LPO: variants seen among roughly 807,000 people sequenced by gnomAD.
LPO encodes the protein lactoperoxidase, also known as salivary peroxidase.
Under a neutral mutation model 68.4 loss-of-function variants are expected in LPO, and 70 were observed. The ratio of observed to expected loss-of-function variants is 1.02; its 90% CI spans 0.84 to 1.25. LPO has a LOEUF of 1.25. Ranked by LOEUF, LPO falls within the 50% of genes most tolerant of loss-of-function variation. The probability of loss-of-function intolerance (pLI) is 0.00; values close to 1 mark genes in which losing one functional copy is unlikely to be tolerated. For synonymous variants in LPO, 360 were observed against 357.6 expected, an observed-to-expected ratio of 1.01 and a Z score of -0.08; for missense variants, 873 against 908.4, an observed-to-expected ratio of 0.96 and a Z score of 0.50.
chr17:58,254,261 C>A (rs1381789303), intron 8 of LPO, among the ~76,000 whole-genome samples: 2 of 152,012 alleles, frequency 1.3e-5, no homozygotes, highest in Non-Finnish European at 2.9e-5. Flanking sequence ...GGTCTTTGGC[C>A]ATTTAACTGT....
chr17:58,252,529 A>C, intron 8 of LPO, 23 bp downstream of exon 8: 1 of 1,598,990 alleles, frequency 6.3e-7, no homozygotes, highest in Non-Finnish European at 8.5e-7. Flanking sequence ...TGGGAACAGA[A>C]GGGCCCAAGG....
intron 1 of LPO, chr17:58,242,739 T>C: frequency 2.2e-6 from 1 of 462,196 alleles, no homozygotes; most frequent in Admixed American, 3.8e-5. Flanking sequence ...CTCAGGGCCT[T>C]AGATCCTGAA....
chr17:58,263,436 C>T (rs1970207280), intron 9 of LPO, among the ~76,000 whole-genome samples: 1 of 152,110 alleles, frequency 6.6e-6, no homozygotes, highest in Non-Finnish European at 1.5e-5. Context: ...ACCCTTGATC[C>T]TATTTAAATT....
At position 58,266,312 on chromosome 17, in the gene LPO, A is replaced by C; in HGVS notation, c.1679A>C (p.Asp560Ala). The C allele has an allele frequency of 6.2e-7, 1 of 1,614,024 alleles. No individual in the cohort carries two copies. ...GCCATCAACACACAGCGTTGCCGGG[A>C]CCATGGGCAACCTGGTGAGTGTCTG... is the stretch of plus-strand genomic sequence containing the variant. ...LAAINTQRCR[D>A]HGQPGYNSWR... Residue 560 changes from aspartate to alanine, a missense_variant, in exon 11 of 13, where the codon GAC (aspartate) becomes GCC (alanine). Asp to Ala is a moderately radical substitution (Grantham distance 126, BLOSUM62 -2). Transcript: ENST00000262290.
intron 6 of LPO, 143 bp from the exon 7 acceptor site, chr17:58,250,272 G>T: frequency 1.4e-6 from 1 of 692,928 alleles, no homozygotes. Context: ...TACAGAATAG[G>T]CTAATGCCAC....
intron 9 of LPO, among the ~76,000 whole-genome samples, chr17:58,255,276 C>T (rs1347154875): frequency 6.6e-6 from 1 of 152,212 alleles, no homozygotes; most frequent in Non-Finnish European, 1.5e-5. Flanking sequence ...ACTCCCGGGA[C>T]TGCTACATCG....
rs137911811 is a variant in LPO, at chr17:58,250,493, A to G, written c.652A>G (p.Met218Val). 5.0e-6 allele frequency: 8 copies of G among 1,614,064 alleles called. No individual in the cohort carries two copies. In the African/African-American group the frequency reaches 1.1e-4, roughly 22 times the overall value. Residue 218 changes from methionine (M) to valine (V), a missense_variant, in exon 7 of 13, where the codon ATG becomes GTG. Physicochemically the swap from Met to Val is conservative, Grantham distance 21. Coordinates refer to ENST00000262290, the MANE Select transcript of LPO (RefSeq NM_006151.3). ...VLDQNRSLLF[M>V]QWGQIVDHDL... Reference sequence around the variant, plus strand: ...GGACCAAAACAGGTCCCTGCTCTTCATGCAGTGGGGTCAGATTGTGGATCA... The same window carrying G: ...GGACCAAAACAGGTCCCTGCTCTTCGTGCAGTGGGGTCAGATTGTGGATCA...
chr17:58,249,579 C>A lies in LPO; in HGVS notation c.457C>A (p.Leu153Met), dbSNP rs929981757. The A allele has an allele frequency of 3.7e-6, 6 of 1,604,134 alleles. No homozygotes were observed. Among genetic ancestry groups the A allele is most frequent in the Non-Finnish European group, 5.1e-6 (6 of 1,179,294 alleles). Residue 153 changes from leucine to methionine, a missense_variant, in exon 6 of 13, where the codon CTG becomes ATG. Coordinates refer to ENST00000262290, the MANE Select transcript of LPO (RefSeq NM_006151.3). The part of the protein sequence containing the change: ...GDCNNRRKPA[L>M]GAANRALARW... ...TGCTGGTTTCAGGAGGAAGCCTGCGCTGGGCGCCGCCAACAGGGCTCTGGC... is the reference window on the plus strand; with the variant it reads ...TGCTGGTTTCAGGAGGAAGCCTGCGATGGGCGCCGCCAACAGGGCTCTGGC...
intron 8 of LPO, among the ~76,000 whole-genome samples, chr17:58,252,955 G>A (rs1453561204): frequency 4.7e-5 from 7 of 148,518 alleles, no homozygotes; most frequent in South Asian, 2.1e-4. Flanking sequence ...CCCAGGAGGC[G>A]GAGGTTGCAG....
rs1422810940 is a variant in LPO at position 58,252,316 on chromosome 17, T to C, written c.915T>C (p.Asp305=). ...TCAACGCTCTGACCTCCTTCCTGGATGCCAGCTTTGTGTACAGCTCCGAGC... is the reference window on the plus strand; with the variant it reads ...TCAACGCTCTGACCTCCTTCCTGGACGCCAGCTTTGTGTACAGCTCCGAGC... ...EQINALTSFL[D]ASFVYSSEPS... The change falls in exon 8 of 13, where the codon GAT becomes GAC. Residue 305 remains aspartate (D), a synonymous_variant. Transcript: ENST00000262290. 1 of 1,614,246 alleles carries C rather than the reference T, an allele frequency of 6.2e-7. No homozygotes were observed. Among genetic ancestry groups the C allele is most frequent in the Non-Finnish European group, 8.5e-7 (1 of 1,180,048 alleles).
At chr17:58,262,436 C>G (rs1970191874) in intron 9 of LPO, among the ~76,000 whole-genome samples, 1 of 152,232 alleles carries the variant, frequency 6.6e-6, no homozygotes, top group African/African-American at 2.4e-5. Flanking sequence ...GTTGCCCAGG[C>G]TGGAGTGCAG....
chr17:58,247,721 T>C, intron 4 of LPO, 83 bp downstream of exon 4: 5 of 1,464,950 alleles, frequency 3.4e-6, no homozygotes, highest in Non-Finnish European at 4.7e-6. Flanking sequence ...AAGCTGCACT[T>C]CCTGTTGAGA....
At chr17:58,257,758 A>G (rs1970099001) in intron 9 of LPO, among the ~76,000 whole-genome samples, 1 of 152,226 alleles carries the variant, frequency 6.6e-6, no homozygotes. Context: ...ATTCCTGCCA[A>G]CAGTGCCAAA....
At chr17:58,247,659 C>T in intron 4 of LPO, 21 bp downstream of exon 4, 2 of 1,608,030 alleles carry the variant, frequency 1.2e-6, no homozygotes, top group Admixed American at 1.7e-5. Flanking sequence ...CCCACCAGCC[C>T]TCTGTGGCAG....
At chr17:58,247,729 A>G in intron 4 of LPO, 91 bp downstream of exon 4, 1 of 1,393,818 alleles carries the variant, frequency 7.2e-7, no homozygotes, top group Non-Finnish European at 9.9e-7. Context: ...CTTCCTGTTG[A>G]GAGCTATCTA....
At chr17:58,251,882 G>A in intron 7 of LPO, 2 of 658,394 alleles carry the variant, frequency 3.0e-6, no homozygotes, top group Non-Finnish European at 2.9e-6. Flanking sequence ...TTCCCACCTC[G>A]TGTCCTGCTT....
rs1433493946 is a variant in LPO at position 58,264,750 on chromosome 17, T to C, written c.1295T>C (p.Ile432Thr). 2 of 1,614,134 alleles carry C rather than the reference T, an allele frequency of 1.2e-6. No individual in the cohort carries two copies. The highest frequency in any genetic ancestry group is 4.5e-5 in the East Asian group (2 of 44,884). ...QIITFRDYLP[I>T]LLGDHMQKWI... ...ATCACCTTTAGGGACTACCTACCCA[T>C]TTTGCTAGGTGACCACATGCAGAAG... The change falls in exon 10 of 13, where the codon ATT (isoleucine) becomes ACT (threonine). Residue 432 changes from isoleucine (I) to threonine (T), a missense_variant. Transcript: ENST00000262290.
chr17:58,256,384 ACATGGTAAGTC>A (rs1378408737), intron 9 of LPO, among the ~76,000 whole-genome samples: 1 of 151,212 alleles, frequency 6.6e-6, no homozygotes, highest in Non-Finnish European at 1.5e-5. Context: ...TTGCTAGGTC[ACATGGTAAGTC>A]CATTTTTAGG....
chr17:58,242,949 TCA>T (rs1969783391), intron 1 of LPO, 27 bp from the exon 2 acceptor site: 2 of 1,606,318 alleles, frequency 1.2e-6, no homozygotes, highest in African/African-American at 2.7e-5. Flanking sequence ...CTAGAGAGGC[TCA>T]CAGTGTGATC....
Sources: gnomAD v4.1 joint callset for allele counts (sites outside exome capture counted in the v4.1 genomes callset) on GRCh38, gnomAD v4.1.1 for gene constraint, MANE v1.5 for transcripts, NCBI Gene and HGNC (gene_info 2026-07-23, HGNC 2026-07-21) for gene names.